Variants in N4BP2L2 observed in about 807,000 individuals in gnomAD.
The protein encoded by N4BP2L2 is NEDD4 binding protein 2 like 2.
In N4BP2L2, 50 loss-of-function variants were observed where a neutral mutation model predicts 56.2. The observed-to-expected ratio is 0.89, with a 90% CI of 0.71 to 1.13. The LOEUF (loss-of-function observed/expected upper bound fraction) is 1.13, where lower values mean the gene tolerates loss of function less well. Among genes scored for constraint, N4BP2L2 ranks in the 50% most tolerant of loss-of-function variants. The pLI is 0.00. For synonymous variants in N4BP2L2, 203 were observed against 223.6 expected (o/e 0.91, Z 0.82); for missense variants, 689 against 693.8 (o/e 0.99, Z 0.08).
In N4BP2L2 at chr13:32,480,691, A is replaced by G; in HGVS notation, c.366-36565T>C. On this transcript the variant is annotated intron_variant, in intron 6 of 9. Coordinates refer to the N4BP2L2 transcript ENST00000357505. ...GCTTCACAACTTTTAAAGTGCTTTC[A>G]TAAACATCATCTTGTTCAAATCCAC... is the stretch of plus-strand genomic sequence containing the variant. 3.7e-6 allele frequency: 4 copies of G among 1,073,364 alleles called. No homozygotes were observed. The Admixed American group carries it at 9.9e-5, about 27-fold the overall frequency. 66.5% of individuals were successfully genotyped at this position (1,073,364 alleles called of 1,614,324 possible).
intron 6 of N4BP2L2, among the ~76,000 whole-genome samples, chr13:32,471,947 C>T (rs1226019842): frequency 6.6e-6 from 1 of 152,214 alleles, no homozygotes; most frequent in Non-Finnish European, 1.5e-5. Context: ...AAAAATACAT[C>T]ACCCATGAAC....
At chr13:32,495,857 T>C (rs1383822794) in intron 6 of N4BP2L2, among the ~76,000 whole-genome samples, 1 of 152,182 alleles carries the variant, frequency 6.6e-6, no homozygotes, top group African/African-American at 2.4e-5. Flanking sequence ...GTAATTTTTG[T>C]ATTTTCAGTA....
intron 6 of N4BP2L2, among the ~76,000 whole-genome samples, chr13:32,446,754 A>C (rs1249240411): frequency 6.6e-6 from 1 of 152,220 alleles, no homozygotes; most frequent in Admixed American, 6.5e-5. Flanking sequence ...TAAGGTCTAC[A>C]ATTGCACTTG....
At chr13:32,484,270 C>T (rs574707431) in intron 6 of N4BP2L2, among the ~76,000 whole-genome samples, 54 of 151,864 alleles carry the variant, frequency 3.6e-4, no homozygotes, top group African/African-American at 1.2e-3. Context: ...AAGGCTGCAG[C>T]GAGCCGAGAT....
At chr13:32,497,016 G>A (rs1442372131) in intron 6 of N4BP2L2, among the ~76,000 whole-genome samples, 2 of 152,204 alleles carry the variant, frequency 1.3e-5, no homozygotes, top group African/African-American at 4.8e-5. Context: ...AGTGGTGTGA[G>A]ATGTTCATAA....
chr13:32,436,289 A>T, intron 9 of N4BP2L2: 1 of 739,238 alleles, frequency 1.4e-6, no homozygotes, highest in Non-Finnish European at 2.1e-6. Flanking sequence ...CATATGAGCT[A>T]TTACAAACAA....
chr13:32,446,949 GCTAGTGGCAGGTTCAGAC>G (rs1158341753), intron 6 of N4BP2L2, among the ~76,000 whole-genome samples: 1 of 151,320 alleles, frequency 6.6e-6, no homozygotes, highest in African/African-American at 2.5e-5. Flanking sequence ...GGGTCACATG[GCTAGTGGCAGGTTCAGAC>G]CTAGTTTGAT....
intron 6 of N4BP2L2, among the ~76,000 whole-genome samples, chr13:32,453,437 GA>G (rs555343057): frequency 4.0e-4 from 57 of 142,376 alleles, no homozygotes; most frequent in Admixed American, 6.3e-4. Flanking sequence ...TTAATCAAGA[GA>G]AAAAAAAAAA....
At chr13:32,529,365 A>G (rs2053976773) in intron 2 of N4BP2L2, among the ~76,000 whole-genome samples, 1 of 152,188 alleles carries the variant, frequency 6.6e-6, no homozygotes, top group Non-Finnish European at 1.5e-5. Flanking sequence ...AGACAAACCA[A>G]ATGTAAATTA....
chr13:32,530,263 CAT>C (rs1485154864), intron 2 of N4BP2L2, among the ~76,000 whole-genome samples: 4 of 152,094 alleles, frequency 2.6e-5, no homozygotes, highest in African/African-American at 9.7e-5. Context: ...TCCCAGGCAG[CAT>C]AGACTGTTTA....
At chr13:32,471,598 A>G (rs1348866513) in intron 6 of N4BP2L2, among the ~76,000 whole-genome samples, 1 of 152,228 alleles carries the variant, frequency 6.6e-6, no homozygotes, top group Non-Finnish European at 1.5e-5. Flanking sequence ...CACCCAGAGA[A>G]AGAGTTAAGC....
chr13:32,518,033 T>C lies in N4BP2L2; in HGVS notation c.1551-30A>G, dbSNP rs112184482. The C allele has an allele frequency of 2.9e-5, 47 of 1,605,468 alleles. No individual in the cohort carries two copies. The African/African-American group carries it at 3.6e-4, about 12-fold the overall frequency. ...CAAAAAAGAAAAGGATTGTAAATCT[T>C]TGTTGCAGAATGTACAGGCTTAGAG... On this transcript the variant is annotated intron_variant, in intron 5 of 5. Transcript: ENST00000267068.
exon 6 of N4BP2L2, chr13:32,513,220 T>C (rs947615989): frequency 6.6e-6 from 1 of 152,206 alleles, no homozygotes; most frequent in Non-Finnish European, 1.5e-5. Context: ...AGGTTTGCTC[T>C]GAAACTTACA....
At chr13:32,496,807 A>G (rs2088792555) in intron 6 of N4BP2L2, among the ~76,000 whole-genome samples, 1 of 152,160 alleles carries the variant, frequency 6.6e-6, no homozygotes, top group South Asian at 2.1e-4. Context: ...TTCCCCACCC[A>G]CAGCTCCAGC....
intron 5 of N4BP2L2, among the ~76,000 whole-genome samples, chr13:32,519,506 A>C (rs909099633): frequency 2.0e-5 from 3 of 152,124 alleles, no homozygotes; most frequent in Non-Finnish European, 2.9e-5. Context: ...AAATACAAAA[A>C]ATAGCCAGGC....
At chr13:32,502,646 G>A (rs1377159063) in intron 6 of N4BP2L2, among the ~76,000 whole-genome samples, 1 of 152,094 alleles carries the variant, frequency 6.6e-6, no homozygotes, top group Non-Finnish European at 1.5e-5. Flanking sequence ...ATCAAGTGCA[G>A]TCAAAACTGC....
In N4BP2L2 at chr13:32,435,271, T is replaced by C. The variant is rs535838721; in HGVS notation, c.*21+1090A>G. Among the ~76,000 whole-genome samples, 5 of 152,266 alleles carry C rather than the reference T, an allele frequency of 3.3e-5. No individual in the cohort carries two copies. The East Asian group carries it at 9.7e-4, about 29-fold the overall frequency. On this transcript the variant is annotated intron_variant, in intron 9 of 9. Transcript: ENST00000357505. ...TTTTTTGAGGTGGGGTCTCGCTCTGTCACCCAGGCTGGAGTGCAGTGGGGC... is the reference window on the plus strand; with the variant it reads ...TTTTTTGAGGTGGGGTCTCGCTCTGCCACCCAGGCTGGAGTGCAGTGGGGC...
At chr13:32,468,632 G>A (rs1175823089) in intron 6 of N4BP2L2, among the ~76,000 whole-genome samples, 1 of 152,228 alleles carries the variant, frequency 6.6e-6, no homozygotes, top group Non-Finnish European at 1.5e-5. Context: ...CAAGGAATAG[G>A]CCAAGTTGGA....
Position 32,492,272 on chromosome 13 carries a change from A to ATTTTTTTTTTTTTTTTTTT in N4BP2L2, c.365+25584_365+25585insAAAAAAAAAAAAAAAAAAA, listed in dbSNP as rs1185615708. On this transcript the variant is annotated intron_variant, in intron 6 of 9. Coordinates refer to the N4BP2L2 transcript ENST00000357505. ...TTTTCTACACATCCCAAAACACCAA[A>ATTTTTTTTTTTTTTTTTTT]ATTTTTTTTTTTTTTTTTTTTTTTT... 5.4e-4 allele frequency among the ~76,000 whole-genome samples: 42 copies of ATTTTTTTTTTTTTTTTTTT among 77,084 alleles called. 2 individuals are homozygous for ATTTTTTTTTTTTTTTTTTT. Among genetic ancestry groups the ATTTTTTTTTTTTTTTTTTT allele is most frequent in the African/African-American group, 2.2e-3 (38 of 17,576 alleles). The allele number at this position is 77,084 out of a possible 152,430, so 50.6% of individuals were successfully genotyped here.
Sources: allele counts gnomAD v4.1 joint callset (sites outside exome capture counted in the v4.1 genomes callset), GRCh38; gene constraint gnomAD v4.1.1; transcripts MANE v1.5; gene names NCBI Gene and HGNC (gene_info 2026-07-23, HGNC 2026-07-21).